DPY19L4: variants seen among roughly 807,000 people sequenced by gnomAD.
DPY19L4 encodes probable C-mannosyltransferase DPY19L4.
A neutral mutation model predicts 102.8 loss-of-function variants in DPY19L4; 97 were observed. The ratio of observed to expected loss-of-function variants is 0.94; its 90% CI spans 0.80 to 1.12. The LOEUF (loss-of-function observed/expected upper bound fraction) is 1.12, where lower values mean the gene tolerates loss of function less well. Among genes scored for constraint, DPY19L4 ranks in the 50% most tolerant of loss-of-function variants. The pLI is 0.00. For synonymous variants in DPY19L4, 252 were observed against 283.1 expected (o/e 0.89, Z 1.10); for missense variants, 815 against 850.4 (o/e 0.96, Z 0.52).
At chr8:94,738,512 TTTTC>T in intron 4 of DPY19L4, 53 bp downstream of exon 4, 7 of 1,179,394 alleles carry the variant, frequency 5.9e-6, no homozygotes, top group Admixed American at 2.8e-5. Context: ...TTTTCTTTTC[TTTTC>T]TTTTTTTTTT....
chr8:94,777,887 A>T, intron 14 of DPY19L4, 101 bp downstream of exon 14: 32 of 1,342,102 alleles, frequency 2.4e-5, no homozygotes, highest in Non-Finnish European at 3.2e-5. Context: ...TGAGTAAATT[A>T]CATGATGACT....
At chr8:94,744,665 A>G (rs1168195157) in intron 6 of DPY19L4, 1 of 430,574 alleles carries the variant, frequency 2.3e-6, no homozygotes, top group Admixed American at 2.6e-5. Flanking sequence ...TCTCATGTAA[A>G]CATAATGGTT....
chr8:94,778,624 G>A (rs1290975510), intron 14 of DPY19L4, among the ~76,000 whole-genome samples: 1 of 151,688 alleles, frequency 6.6e-6, no homozygotes, highest in Admixed American at 6.6e-5. Flanking sequence ...ATAGGGTGCT[G>A]TTAGAACATA....
intron 6 of DPY19L4, among the ~76,000 whole-genome samples, chr8:94,749,525 A>T (rs1235581471): frequency 6.6e-6 from 1 of 152,108 alleles, no homozygotes; most frequent in Non-Finnish European, 1.5e-5. Flanking sequence ...CTGGGATGGG[A>T]CCTCACACTC....
intron 6 of DPY19L4, among the ~76,000 whole-genome samples, chr8:94,745,635 A>G (rs1811638189): frequency 6.6e-6 from 1 of 152,192 alleles, no homozygotes; most frequent in African/African-American, 2.4e-5. Flanking sequence ...TGGTGGAGAT[A>G]TAAGTTTTTT....
chr8:94,784,104 C>T (rs773888114), intron 17 of DPY19L4, among the ~76,000 whole-genome samples: 5 of 152,232 alleles, frequency 3.3e-5, no homozygotes, highest in Non-Finnish European at 7.3e-5. Context: ...GGCTGGAATA[C>T]AGTTGTGCAA....
intron 11 of DPY19L4, 60 bp from the exon 12 acceptor site, chr8:94,768,335 A>G: frequency 7.3e-7 from 1 of 1,365,808 alleles, no homozygotes; most frequent in Non-Finnish European, 1.0e-6. Context: ...TAAAAAAAAT[A>G]CTTCTGTGTT....
chr8:94,783,925 T>A, intron 17 of DPY19L4, 123 bp downstream of exon 17: 2 of 1,107,802 alleles, frequency 1.8e-6, no homozygotes, highest in Non-Finnish European at 2.5e-6. Flanking sequence ...AAGAGTTAAT[T>A]AACTTCCATT....
rs146464980 is a variant in DPY19L4, at chr8:94,766,750, C to T, written c.1175+65C>T. 8,670 of 1,450,972 alleles carry T rather than the reference C, an allele frequency of 6.0e-3. 39 individuals carry two copies. The highest frequency in any genetic ancestry group is 7.5e-3 in the Non-Finnish European group (7,861 of 1,052,690). 89.9% of individuals were successfully genotyped at this position (1,450,972 alleles called of 1,614,324 possible). On this transcript the variant is annotated intron_variant, in intron 11 of 18. Transcript: ENST00000414645. ...ACTTAGAAAATAAAGATAAAAAATACTCGATGGCCGGGCATAGTGGCTCAC... is the reference window on the plus strand; with the variant it reads ...ACTTAGAAAATAAAGATAAAAAATATTCGATGGCCGGGCATAGTGGCTCAC...
intron 2 of DPY19L4, among the ~76,000 whole-genome samples, chr8:94,726,661 G>A (rs922310858): frequency 1.4e-4 from 21 of 152,268 alleles, no homozygotes; most frequent in African/African-American, 5.1e-4. Flanking sequence ...GTAGTTTTAT[G>A]TGTTGCGAAG....
At chr8:94,766,516 A>T in intron 10 of DPY19L4, 96 bp from the exon 11 acceptor site, 1 of 1,097,142 alleles carries the variant, frequency 9.1e-7, no homozygotes, top group Non-Finnish European at 1.3e-6. Context: ...TTTGTTTTGT[A>T]GTCTTGTTGT....
At chr8:94,763,254 C>CT (rs374208413) in intron 8 of DPY19L4, among the ~76,000 whole-genome samples, 5,320 of 104,848 alleles carry the variant, frequency 0.051, 137 homozygotes, top group Middle Eastern at 0.091. Context: ...GCCAAGGTAT[C>CT]TTTTTTTTTT....
intron 8 of DPY19L4, among the ~76,000 whole-genome samples, 157 bp from the exon 9 acceptor site, chr8:94,765,026 C>T (rs1812606858): frequency 1.3e-5 from 2 of 151,570 alleles, no homozygotes; most frequent in African/African-American, 4.8e-5. Context: ...CCATGCCCGG[C>T]CAACATTAAA....
chr8:94,747,823 G>A (rs1811748524), intron 6 of DPY19L4, among the ~76,000 whole-genome samples: 1 of 152,158 alleles, frequency 6.6e-6, no homozygotes, highest in Admixed American at 6.5e-5. Flanking sequence ...GCCTTCCAAA[G>A]TGCTGGGATA....
chr8:94,762,387 C>T (rs985277717), intron 8 of DPY19L4, among the ~76,000 whole-genome samples: 1 of 152,166 alleles, frequency 6.6e-6, no homozygotes, highest in Non-Finnish European at 1.5e-5. Flanking sequence ...TCACAGGACC[C>T]TCAAGCCATC....
intron 13 of DPY19L4, among the ~76,000 whole-genome samples, chr8:94,773,585 C>G (rs1813028980): frequency 6.6e-6 from 1 of 151,870 alleles, no homozygotes; most frequent in Non-Finnish European, 1.5e-5. Context: ...CATGCGCCAC[C>G]ACGCCCGGCT....
Position 94,734,746 on chromosome 8 carries a change from A to G in DPY19L4, c.244A>G (p.Asn82Asp), listed in dbSNP as rs1365248365. ...CCATGAACGGAAATTCTGGTTTTCC[A>G]ACAGGCAGGTAAGAAGAAAGAATTT... ...AYHERKFWFS[N>D]RQELEREITF... Residue 82 changes from asparagine (N) to aspartate (D), a missense_variant, in exon 3 of 19, where the codon AAC becomes GAC. By Grantham distance (23) the Asn-to-Asp change is conservative. Transcript: ENST00000414645. The G allele has an allele frequency of 6.2e-7, 1 of 1,613,680 alleles. No individual in the cohort carries two copies. Among genetic ancestry groups the G allele is most frequent in the Non-Finnish European group, 8.5e-7 (1 of 1,179,934 alleles).
chr8:94,779,303 C>A (rs1813326151), intron 14 of DPY19L4, among the ~76,000 whole-genome samples: 1 of 149,434 alleles, frequency 6.7e-6, no homozygotes, highest in African/African-American at 2.4e-5. Context: ...ATGATTCACA[C>A]CCAGGATTTT....
chr8:94,780,491 AG>A, intron 15 of DPY19L4, 76 bp downstream of exon 15: 2 of 954,506 alleles, frequency 2.1e-6, no homozygotes, highest in Non-Finnish European at 2.9e-6. Context: ...ATGTGTGGGT[AG>A]GAAACATGTT....
Sources: allele counts gnomAD v4.1 joint callset (sites outside exome capture counted in the v4.1 genomes callset), GRCh38; gene constraint gnomAD v4.1.1; transcripts MANE v1.5; gene names NCBI Gene and HGNC (gene_info 2026-07-23, HGNC 2026-07-21).